The following RNF38 variants were observed in gnomAD, a reference collection of about 807,000 sequenced individuals.
The protein encoded by RNF38 is E3 ubiquitin-protein ligase RNF38.
A neutral mutation model predicts 67.2 loss-of-function variants in RNF38; 15 were observed. The ratio of observed to expected loss-of-function variants is 0.22; its 90% CI spans 0.15 to 0.34. The LOEUF (loss-of-function observed/expected upper bound fraction) is 0.34. Ranked by LOEUF, RNF38 falls within the 10% of genes least tolerant of loss-of-function variation. The pLI, the probability that RNF38 is intolerant of heterozygous loss-of-function variation, is 1.00. For missense variants in RNF38, 524 were observed against 639.9 expected (o/e 0.82, Z 1.95); for synonymous variants, 220 against 218.8 (o/e 1.01, Z -0.05).
chr9:36,469,034 C>G (rs1839932157), intron 1 of RNF38, among the ~76,000 whole-genome samples: 1 of 152,034 alleles, frequency 6.6e-6, no homozygotes, highest in South Asian at 2.1e-4. Context: ...ATTGCTTGAA[C>G]CCAGGAGGCG....
intron 2 of RNF38, among the ~76,000 whole-genome samples, chr9:36,381,238 G>C (rs1272333275): frequency 6.6e-6 from 1 of 152,078 alleles, no homozygotes; most frequent in African/African-American, 2.4e-5. Context: ...ATACAAAACT[G>C]AATCTGGAAG....
intron 1 of RNF38, among the ~76,000 whole-genome samples, chr9:36,485,354 T>C (rs1323638463): frequency 6.7e-6 from 1 of 148,552 alleles, no homozygotes; most frequent in Non-Finnish European, 1.5e-5. Context: ...TAAATGAATA[T>C]GTCTGCCCAC....
chr9:36,407,907 C>G (rs925031240), intron 2 of RNF38, among the ~76,000 whole-genome samples: 1 of 151,912 alleles, frequency 6.6e-6, no homozygotes, highest in African/African-American at 2.4e-5. Flanking sequence ...TTTTTAAATC[C>G]TGTATTACAT....
chr9:36,379,316 AG>A (rs1010753639), intron 2 of RNF38, among the ~76,000 whole-genome samples: 33 of 152,350 alleles, frequency 2.2e-4, no homozygotes, highest in African/African-American at 7.5e-4. Flanking sequence ...TATCAATTTT[AG>A]TACTCTAAGG....
intron 1 of RNF38, among the ~76,000 whole-genome samples, chr9:36,393,031 T>A (rs759716487): frequency 6.6e-6 from 1 of 152,228 alleles, no homozygotes; most frequent in Non-Finnish European, 1.5e-5. Flanking sequence ...TGCTTCTTTA[T>A]GTAGGAATCT....
intron 1 of RNF38, among the ~76,000 whole-genome samples, chr9:36,449,687 G>A (rs936175674): frequency 3.3e-5 from 5 of 151,970 alleles, no homozygotes; most frequent in African/African-American, 9.7e-5. Context: ...CGCCCACCTC[G>A]GCCTCCCAAA....
intron 1 of RNF38, among the ~76,000 whole-genome samples, chr9:36,428,154 T>C (rs1270451314): frequency 2.0e-5 from 3 of 151,934 alleles, no homozygotes; most frequent in African/African-American, 7.3e-5. Context: ...CGGTGGCTCA[T>C]GCCTGTAATC....
chr9:36,356,562 ACAC>A, intron 5 of RNF38, 89 bp from the exon 6 acceptor site: 1 of 1,069,404 alleles, frequency 9.4e-7, no homozygotes. Context: ...TGTCATTGTC[ACAC>A]CTCTCCCAAA....
At chr9:36,415,415 G>T (rs965207121) in intron 2 of RNF38, among the ~76,000 whole-genome samples, 1 of 151,712 alleles carries the variant, frequency 6.6e-6, no homozygotes, top group Non-Finnish European at 1.5e-5. Context: ...TTTTTTGTCC[G>T]TATCTTGTTT....
intron 1 of RNF38, among the ~76,000 whole-genome samples, chr9:36,485,150 CAG>C (rs1840374257): frequency 6.6e-6 from 1 of 152,144 alleles, no homozygotes; most frequent in African/African-American, 2.4e-5. Flanking sequence ...GCCTGGGTGA[CAG>C]AGAGACTCCG....
At chr9:36,454,866 G>A (rs1238139044) in intron 1 of RNF38, among the ~76,000 whole-genome samples, 1 of 151,668 alleles carries the variant, frequency 6.6e-6, no homozygotes, top group Non-Finnish European at 1.5e-5. Context: ...TTAAAGGCGT[G>A]AGCCACTGCA....
At chr9:36,469,456 T>C (rs542969405) in intron 1 of RNF38, among the ~76,000 whole-genome samples, 253 of 151,968 alleles carry the variant, frequency 1.7e-3, no homozygotes, top group African/African-American at 6.0e-3. Flanking sequence ...GGTCGGGAGT[T>C]TGAGACCAGC....
chr9:36,446,663 C>T (rs1164280060), intron 1 of RNF38, among the ~76,000 whole-genome samples: 1 of 150,986 alleles, frequency 6.6e-6, no homozygotes, highest in Non-Finnish European at 1.5e-5. Context: ...AGAAAGTTAG[C>T]CAGGCATGAT....
At chr9:36,444,535 C>G (rs1255905659) in intron 1 of RNF38, among the ~76,000 whole-genome samples, 1 of 152,178 alleles carries the variant, frequency 6.6e-6, no homozygotes, top group Non-Finnish European at 1.5e-5. Context: ...CATGATGGCA[C>G]ATGCCTGTAA....
chr9:36,343,095 ATTG>A (rs920636667), intron 10 of RNF38, among the ~76,000 whole-genome samples: 4 of 151,926 alleles, frequency 2.6e-5, no homozygotes, highest in Non-Finnish European at 5.9e-5. Flanking sequence ...GTTATACTGT[ATTG>A]TTCTTTATTT....
chr9:36,372,017 G>A (rs2133807727), intron 3 of RNF38, among the ~76,000 whole-genome samples: 1 of 149,394 alleles, frequency 6.7e-6, no homozygotes, highest in South Asian at 2.1e-4. Context: ...TACAACCTCT[G>A]CCTCCTGGGT....
At chr9:36,344,139 C>G in intron 10 of RNF38, among the ~76,000 whole-genome samples, 2 of 152,182 alleles carry the variant, frequency 1.3e-5, no homozygotes, top group South Asian at 2.1e-4. Context: ...CTCAGCCTTT[C>G]GAGTAGCTGG....
chr9:36,370,070 G>A (rs531482951), intron 3 of RNF38, 138 bp from the exon 4 acceptor site: 8 of 692,478 alleles, frequency 1.2e-5, no homozygotes, highest in Non-Finnish European at 7.0e-6. Context: ...TTCCCCATCA[G>A]CTCTAAAAAC....
chr9:36,376,199 T>A (rs1835773751), intron 2 of RNF38, 72 bp from the exon 3 acceptor site: 2 of 1,121,600 alleles, frequency 1.8e-6, no homozygotes, highest in African/African-American at 3.2e-5. Flanking sequence ...TATGCACAGG[T>A]GTTAGGATGT....
Sources: gnomAD v4.1 joint callset for allele counts (sites outside exome capture counted in the v4.1 genomes callset) on GRCh38, gnomAD v4.1.1 for gene constraint, MANE v1.5 for transcripts, NCBI Gene and HGNC (gene_info 2026-07-23, HGNC 2026-07-21) for gene names.